PCDHGC3: variants seen among roughly 807,000 people sequenced by gnomAD.
The protein encoded by PCDHGC3 is protocadherin gamma subfamily C, 3.
In PCDHGC3, 26 loss-of-function variants were observed where a neutral mutation model predicts 59.2. The ratio of observed to expected loss-of-function variants is 0.44; its 90% CI spans 0.32 to 0.61. The LOEUF is 0.61. Ranked by LOEUF, PCDHGC3 falls within the 20% of genes least tolerant of loss-of-function variation. The pLI, the probability that PCDHGC3 is intolerant of heterozygous loss-of-function variation, is 0.05. For synonymous variants in PCDHGC3, 487 were observed against 519.7 expected, an observed-to-expected ratio of 0.94 and a Z score of 0.86; for missense variants, 1,080 against 1,221.8, an observed-to-expected ratio of 0.88 and a Z score of 1.73.
At position 141,494,693 on chromosome 5, in the gene PCDHGC3, G is replaced by A. The variant is rs2099756182; in HGVS notation, c.2431-114G>A. The A allele has an allele frequency of 5.0e-6, 8 of 1,585,786 alleles. No individual in the cohort carries two copies. In the South Asian group the frequency reaches 6.8e-5, roughly 13 times the overall value. ...GTCCACCCCTGCCCCCTCTTAGTCC[G>A]TTTTCTTCTCTGTGCCCACTCCCCT... is the stretch of plus-strand genomic sequence containing the variant. On this transcript the variant is annotated intron_variant, in intron 1 of 3. Transcript: ENST00000308177.
At position 141,491,660 on chromosome 5, in the gene PCDHGC3, C is replaced by G; in HGVS notation, c.2431-3147C>G. 6.2e-7 allele frequency: 1 copy of G among 1,613,810 alleles called. No individual in the cohort carries two copies. ...ACAGCTCTGGCGCTGGAGCCTGACG[C>G]CATCCGGTCCCGCTCTAATACGCTG... is the stretch of plus-strand genomic sequence containing the variant. On this transcript the variant is annotated intron_variant, in intron 1 of 3. Transcript: ENST00000308177. The surrounding 1 kb of genome is among the most constrained non-coding windows in gnomAD (Gnocchi z 6.9).
At position 141,491,899 on chromosome 5, in the gene PCDHGC3, G is replaced by A; in HGVS notation, c.2431-2908G>A. The A allele has an allele frequency of 7.0e-7, 1 of 1,433,322 alleles. No homozygotes were observed. Among genetic ancestry groups the A allele is most frequent in the South Asian group, 1.5e-5 (1 of 67,156 alleles). The allele number at this position is 1,433,322 out of a possible 1,614,324, so 88.8% of individuals were successfully genotyped here. A position where few individuals can be genotyped will look rare whatever the true frequency, so the allele number is the denominator to read the frequency against. On this transcript the variant is annotated intron_variant, in intron 1 of 3. Coordinates refer to ENST00000308177, the MANE Select transcript of PCDHGC3 (RefSeq NM_002588.4). The surrounding 1 kb of genome is among the most constrained non-coding windows in gnomAD (Gnocchi z 6.9). ...TTAAGGGATGGGGCTCCGAGCACCG[G>A]GGGTGGTGGCGACTGTGGGCGAGGG... is the stretch of plus-strand genomic sequence containing the variant.
At position 141,485,929 on chromosome 5, in the gene PCDHGC3, G is replaced by A; in HGVS notation, c.2430+7383G>A. 1 of 1,614,150 alleles carries A rather than the reference G, an allele frequency of 6.2e-7. No homozygotes were observed. The highest frequency in any genetic ancestry group is 8.5e-7 in the Non-Finnish European group (1 of 1,180,036). ...AATCCAGCTACAGGATTAGTGTGTT[G>A]GAGAGCGCACCAGCGGGCATGGTGC... On this transcript the variant is annotated intron_variant, in intron 1 of 3. Coordinates refer to ENST00000308177, the MANE Select transcript of PCDHGC3 (RefSeq NM_002588.4). This position sits in a 1 kb window ranked among gnomAD's most constrained non-coding sequence, Gnocchi z 5.7.
rs539620413 is a variant in PCDHGC3, at chr5:141,488,489, G to GT, written c.2431-6317dup. Among the ~76,000 whole-genome samples the GT allele has an allele frequency of 1.6e-4, 25 of 152,268 alleles. No homozygotes were observed. In the South Asian group the frequency reaches 4.6e-3, roughly 28 times the overall value. On this transcript the variant is annotated intron_variant, in intron 1 of 3. Transcript: ENST00000308177. ...AGAAATGTTCCCCTACCCAAAAACT[G>GT]TAACACTCATTCCACATTTGGGGTC...
rs1340692426 is a variant in PCDHGC3 at position 141,485,025 on chromosome 5, A to C, written c.2430+6479A>C. ...CAAATCTACCCCGCCACCAGCAAAAACGGCGCGTAACCCTTGCGGCGCCGG... is the reference window on the plus strand; with the variant it reads ...CAAATCTACCCCGCCACCAGCAAAACCGGCGCGTAACCCTTGCGGCGCCGG... On this transcript the variant is annotated intron_variant, in intron 1 of 3. Transcript: ENST00000308177. This position sits in a 1 kb window ranked among gnomAD's most constrained non-coding sequence, Gnocchi z 5.7. 2 of 657,796 alleles carry C rather than the reference A, an allele frequency of 3.0e-6. No homozygotes were observed. The highest frequency in any genetic ancestry group is 5.4e-6 in the Non-Finnish European group (2 of 369,210). The allele number at this position is 657,796 out of a possible 1,614,324, so 40.7% of individuals were successfully genotyped here.
intron 1 of PCDHGC3, among the ~76,000 whole-genome samples, chr5:141,488,394 A>C (rs2099674951): frequency 1.3e-5 from 2 of 152,232 alleles, no homozygotes. Flanking sequence ...TGGTGAAACC[A>C]TGAAACCTAG....
chr5:141,491,071 C>A lies in PCDHGC3; in HGVS notation c.2431-3736C>A, dbSNP rs987564933. ...TGCGTGGCTCTCCTACTCACTGTTG[C>A]CACAGTCCACAGCCCCAGGACTGTT... On this transcript the variant is annotated intron_variant, in intron 1 of 3. Transcript: ENST00000308177. This position sits in a 1 kb window ranked among gnomAD's most constrained non-coding sequence, Gnocchi z 6.9. 2 of 1,614,034 alleles carry A rather than the reference C, an allele frequency of 1.2e-6. No individual in the cohort carries two copies. The highest frequency in any genetic ancestry group is 1.7e-6 in the Non-Finnish European group (2 of 1,180,036).
rs144804989 is a variant in PCDHGC3 at position 141,489,791 on chromosome 5, C to T, written c.2431-5016C>T. 1.9e-6 allele frequency: 3 copies of T among 1,614,056 alleles called. No individual in the cohort carries two copies. Among genetic ancestry groups the T allele is most frequent in the Admixed American group, 1.7e-5 (1 of 60,010 alleles). Reference sequence around the variant, plus strand: ...AGCCACTTCTCTCTGAATGTGAAGACCCTAAAAGATGGGAAGCCATTCCCA... The same window carrying T: ...AGCCACTTCTCTCTGAATGTGAAGATCCTAAAAGATGGGAAGCCATTCCCA... On this transcript the variant is annotated intron_variant, in intron 1 of 3. Transcript: ENST00000308177. This position sits in a 1 kb window ranked among gnomAD's most constrained non-coding sequence, Gnocchi z 4.5.
chr5:141,489,339 C>T lies in PCDHGC3; in HGVS notation c.2431-5468C>T. 6.2e-7 allele frequency: 1 copy of T among 1,608,828 alleles called. No individual in the cohort carries two copies. On this transcript the variant is annotated intron_variant, in intron 1 of 3. Transcript: ENST00000308177. The surrounding 1 kb of genome is among the most constrained non-coding windows in gnomAD (Gnocchi z 4.5). ...GCTGGGTGTCTGGGCAGCTTCGTTA[C>T]TCAGTGGTGGAGGAGTCTGAGCCGG...
rs972633773 is a variant in PCDHGC3, at chr5:141,489,751, A to T, written c.2431-5056A>T. ...GGGCACCAATACTGTGAGCTTTTAC[A>T]CTCTAAGCCCCAACAGCCACTTCTC... On this transcript the variant is annotated intron_variant, in intron 1 of 3. Coordinates refer to ENST00000308177, the MANE Select transcript of PCDHGC3 (RefSeq NM_002588.4). The surrounding 1 kb of genome is among the most constrained non-coding windows in gnomAD (Gnocchi z 4.5). The T allele has an allele frequency of 1.9e-6, 3 of 1,613,740 alleles. No individual in the cohort carries two copies. Among genetic ancestry groups the T allele is most frequent in the African/African-American group, 2.7e-5 (2 of 74,840 alleles).
chr5:141,490,151 T>C lies in PCDHGC3; in HGVS notation c.2431-4656T>C, dbSNP rs1449636059. The stretch of plus-strand genomic sequence containing the variant: ...GACCCTAGCAGTGGGGCAATCCATG[T>C]GTTGGGTCCCATAGACTTTGAGGAG... On this transcript the variant is annotated intron_variant, in intron 1 of 3. Transcript: ENST00000308177. The surrounding 1 kb of genome is among the most constrained non-coding windows in gnomAD (Gnocchi z 5.4). 4 of 1,614,210 alleles carry C rather than the reference T, an allele frequency of 2.5e-6. No homozygotes were observed. The highest frequency in any genetic ancestry group is 3.4e-6 in the Non-Finnish European group (4 of 1,180,018).
intron 3 of PCDHGC3, 62 bp downstream of exon 3, chr5:141,505,543 C>T: frequency 6.2e-7 from 1 of 1,609,636 alleles, no homozygotes; most frequent in Non-Finnish European, 8.5e-7. Flanking sequence ...GTGCATCTCA[C>T]AGCCACCATG....
chr5:141,489,636 C>T lies in PCDHGC3; in HGVS notation c.2431-5171C>T. On this transcript the variant is annotated intron_variant, in intron 1 of 3. Coordinates refer to ENST00000308177, the MANE Select transcript of PCDHGC3 (RefSeq NM_002588.4). The surrounding 1 kb of genome is among the most constrained non-coding windows in gnomAD (Gnocchi z 4.5). ...TGGATCTCAATGACAACTCTCCTAG[C>T]TTTGCCACCCCTGAGCGAGAGATGC... 1.2e-6 allele frequency: 2 copies of T among 1,614,190 alleles called. No homozygotes were observed. The highest frequency in any genetic ancestry group is 1.7e-6 in the Non-Finnish European group (2 of 1,180,030).
At chr5:141,484,889 TC>T (rs1312115219) in intron 1 of PCDHGC3, 2 of 362,958 alleles carry the variant, frequency 5.5e-6, no homozygotes, top group Admixed American at 8.9e-5. Flanking sequence ...GTGGGCTTTT[TC>T]CCCTCCAATG....
chr5:141,490,566 C>T lies in PCDHGC3; in HGVS notation c.2431-4241C>T. 3 of 1,614,132 alleles carry T rather than the reference C, an allele frequency of 1.9e-6. No homozygotes were observed. Among genetic ancestry groups the T allele is most frequent in the Non-Finnish European group, 2.5e-6 (3 of 1,180,028 alleles). On this transcript the variant is annotated intron_variant, in intron 1 of 3. Transcript: ENST00000308177. This position sits in a 1 kb window ranked among gnomAD's most constrained non-coding sequence, Gnocchi z 5.4. ...TACACAAACATCTCACCATCAGGCT[C>T]AACATTTCAGATGTCAATGACAATG...
chr5:141,481,509 T>C (rs2154578624), intron 1 of PCDHGC3, among the ~76,000 whole-genome samples: 2 of 152,326 alleles, frequency 1.3e-5, no homozygotes, highest in Middle Eastern at 3.4e-3. Context: ...GTATGTGAAT[T>C]ATGTCTCAGT....
Position 141,477,468 on chromosome 5 carries a change from A to G in PCDHGC3, c.1352A>G (p.Asn451Ser). Reference protein sequence around the residue: ...TIVRVQVSDINDNPPQSSQSS... With the variant: ...TIVRVQVSDISDNPPQSSQSS... ...GTGCGTGTTCAAGTGTCCGACATCA[A>G]TGACAACCCTCCACAATCTTCTCAA... is the stretch of plus-strand genomic sequence containing the variant. The change falls in exon 1 of 4, where the codon AAT (asparagine) becomes AGT (serine). Residue 451 changes from asparagine to serine, a missense_variant. By Grantham distance (46) the Asn-to-Ser change is conservative. Transcript: ENST00000308177. This position sits in a 1 kb window ranked among gnomAD's most constrained non-coding sequence, Gnocchi z 4.9. 6.2e-7 allele frequency: 1 copy of G among 1,614,158 alleles called. No homozygotes were observed. Among genetic ancestry groups the G allele is most frequent in the Non-Finnish European group, 8.5e-7 (1 of 1,180,022 alleles).
Position 141,490,162 on chromosome 5 carries a change from A to C in PCDHGC3, c.2431-4645A>C. ...TGGGGCAATCCATGTGTTGGGTCCC[A>C]TAGACTTTGAGGAGTCACGTTTCTA... On this transcript the variant is annotated intron_variant, in intron 1 of 3. Coordinates refer to ENST00000308177, the MANE Select transcript of PCDHGC3 (RefSeq NM_002588.4). The surrounding 1 kb of genome is among the most constrained non-coding windows in gnomAD (Gnocchi z 5.4). The C allele has an allele frequency of 6.2e-7, 1 of 1,614,218 alleles. No individual in the cohort carries two copies. The highest frequency in any genetic ancestry group is 8.5e-7 in the Non-Finnish European group (1 of 1,180,028).
chr5:141,491,110 C>T lies in PCDHGC3; in HGVS notation c.2431-3697C>T. On this transcript the variant is annotated intron_variant, in intron 1 of 3. Transcript: ENST00000308177. This position sits in a 1 kb window ranked among gnomAD's most constrained non-coding sequence, Gnocchi z 6.9. ...CCCAGGACTGTTCCTCGTGTCTACA[C>T]ACACTGGTGAGGTGCGCACAGCCCG... 3.7e-6 allele frequency: 6 copies of T among 1,614,212 alleles called. No individual in the cohort carries two copies. Among genetic ancestry groups the T allele is most frequent in the Non-Finnish European group, 5.1e-6 (6 of 1,180,024 alleles).
Sources: gnomAD v4.1 joint callset for allele counts (sites outside exome capture counted in the v4.1 genomes callset) on GRCh38, gnomAD v4.1.1 for gene constraint, Gnocchi (gnomAD v3.1) non-coding constraint, MANE v1.5 for transcripts, NCBI Gene and HGNC (gene_info 2026-07-23, HGNC 2026-07-21) for gene names.